The following PDE11A variants were observed in gnomAD, a reference collection of about 807,000 sequenced individuals.
The protein encoded by PDE11A is phosphodiesterase 11A.
PDE11A carries 100 observed loss-of-function variants against 100.5 expected under a neutral mutation model. The ratio of observed to expected loss-of-function variants is 1.00; its 90% CI spans 0.85 to 1.18. The LOEUF (loss-of-function observed/expected upper bound fraction) is 1.18. Among genes scored for constraint, PDE11A ranks in the 50% most tolerant of loss-of-function variants. The probability of loss-of-function intolerance (pLI) is 0.00; values close to 1 mark genes in which losing one functional copy is unlikely to be tolerated. For synonymous variants in PDE11A, 381 were observed against 420.8 expected, an observed-to-expected ratio of 0.91 and a Z score of 1.16; for missense variants, 1,141 against 1,152.6, an observed-to-expected ratio of 0.99 and a Z score of 0.15.
intron 15 of PDE11A, among the ~76,000 whole-genome samples, chr2:177,690,782 G>T (rs900926271): frequency 6.6e-6 from 1 of 152,272 alleles, no homozygotes; most frequent in East Asian, 1.9e-4. Context: ...AAAGCATTGA[G>T]CACCCAAGTG....
intron 9 of PDE11A, among the ~76,000 whole-genome samples, chr2:177,814,806 G>C (rs546444784): frequency 6.6e-6 from 1 of 152,164 alleles, no homozygotes; most frequent in Non-Finnish European, 1.5e-5. Flanking sequence ...GGGTATATGA[G>C]CATTTTCTAG....
At chr2:177,914,019 A>T (rs2105745926) in intron 2 of PDE11A, among the ~76,000 whole-genome samples, 1 of 152,236 alleles carries the variant, frequency 6.6e-6, no homozygotes, top group South Asian at 2.1e-4. Context: ...ATTTACCCCA[A>T]CTCATACAAC....
chr2:177,892,696 C>A (rs576386846), intron 4 of PDE11A, among the ~76,000 whole-genome samples: 2 of 152,214 alleles, frequency 1.3e-5, no homozygotes, highest in African/African-American at 4.8e-5. Flanking sequence ...CACCTGCTCA[C>A]CCAGACTGGC....
At chr2:177,969,323 C>A (rs1329288681) in intron 2 of PDE11A, among the ~76,000 whole-genome samples, 3 of 152,004 alleles carry the variant, frequency 2.0e-5, no homozygotes, top group Admixed American at 2.0e-4. Flanking sequence ...GCATGTGGGG[C>A]TGAAAACCTA....
intron 19 of PDE11A, among the ~76,000 whole-genome samples, chr2:177,643,253 A>C (rs2080171867): frequency 6.6e-6 from 1 of 152,232 alleles, no homozygotes; most frequent in South Asian, 2.1e-4. Context: ...AATGTGGGAA[A>C]GTTTGGAACT....
chr2:177,799,275 A>G (rs2082750959), intron 9 of PDE11A, among the ~76,000 whole-genome samples: 1 of 152,130 alleles, frequency 6.6e-6, no homozygotes. Flanking sequence ...CAAAAAGGGG[A>G]TATTTGGTTA....
chr2:177,854,648 C>T (rs961273068), intron 5 of PDE11A, among the ~76,000 whole-genome samples: 1 of 152,058 alleles, frequency 6.6e-6, no homozygotes, highest in African/African-American at 2.4e-5. Flanking sequence ...ACTTCATACA[C>T]TCCGCATATT....
intron 1 of PDE11A, among the ~76,000 whole-genome samples, chr2:178,034,174 G>A (rs2086581595): frequency 6.6e-6 from 1 of 151,728 alleles, no homozygotes; most frequent in South Asian, 2.1e-4. Context: ...AAGACACATA[G>A]GGTCAAAAAA....
At chr2:177,952,915 T>G (rs912131103) in intron 2 of PDE11A, among the ~76,000 whole-genome samples, 2 of 152,220 alleles carry the variant, frequency 1.3e-5, no homozygotes, top group Admixed American at 6.5e-5. Flanking sequence ...CTGAGACATT[T>G]TAGACAGTCA....
chr2:177,957,352 T>C (rs1178564227), intron 2 of PDE11A, among the ~76,000 whole-genome samples: 1 of 152,210 alleles, frequency 6.6e-6, no homozygotes, highest in Non-Finnish European at 1.5e-5. Context: ...TTCAGTAGTG[T>C]TTCTTTTCAT....
chr2:178,060,321 G>GA lies in PDE11A; in HGVS notation c.912+11204dup, dbSNP rs573068709. Among the ~76,000 whole-genome samples, 576 of 151,654 alleles carry GA rather than the reference G, an allele frequency of 3.8e-3. 3 individuals carry two copies. The highest frequency in any genetic ancestry group is 0.013 in the African/African-American group (517 of 41,348). ...TTAAGTAATGATTAGTACATATATG[G>GA]AAAAAAAATAAAAGAAAACAAAAAG... On this transcript the variant is annotated intron_variant, in intron 1 of 19. Coordinates refer to ENST00000286063, the MANE Select transcript of PDE11A (RefSeq NM_016953.4).
At chr2:177,722,878 T>C (rs1322511880) in intron 12 of PDE11A, among the ~76,000 whole-genome samples, 3 of 152,128 alleles carry the variant, frequency 2.0e-5, no homozygotes, top group African/African-American at 7.2e-5. Context: ...GATAAGGAAA[T>C]ACAATGTAAA....
chr2:178,047,548 G>C (rs954811343), intron 1 of PDE11A, among the ~76,000 whole-genome samples: 1 of 151,426 alleles, frequency 6.6e-6, no homozygotes, highest in African/African-American at 2.4e-5. Flanking sequence ...ACAACATGCT[G>C]TTACACAAAT....
At chr2:177,718,200 A>T (rs538159894) in intron 12 of PDE11A, among the ~76,000 whole-genome samples, 1 of 152,362 alleles carries the variant, frequency 6.6e-6, no homozygotes, top group South Asian at 2.1e-4. Context: ...AATCCTTACA[A>T]GAACTCTCTG....
At chr2:178,000,888 G>C (rs1040452492) in intron 2 of PDE11A, among the ~76,000 whole-genome samples, 1 of 152,006 alleles carries the variant, frequency 6.6e-6, no homozygotes, top group Non-Finnish European at 1.5e-5. Flanking sequence ...TGTATATCAG[G>C]CCCATCTACC....
intron 9 of PDE11A, among the ~76,000 whole-genome samples, chr2:177,785,084 C>T (rs968796552): frequency 1.2e-4 from 19 of 152,160 alleles, no homozygotes; most frequent in Admixed American, 6.5e-5. Context: ...AGCATAGGGG[C>T]TTTGTGTCAG....
At chr2:177,999,885 A>T (rs1192897076) in intron 2 of PDE11A, among the ~76,000 whole-genome samples, 1 of 152,198 alleles carries the variant, frequency 6.6e-6, no homozygotes, top group Non-Finnish European at 1.5e-5. Context: ...TAACTTACAT[A>T]ACCTCATTTT....
chr2:177,643,640 A>G (rs1330451690), intron 19 of PDE11A, among the ~76,000 whole-genome samples: 1 of 152,228 alleles, frequency 6.6e-6, no homozygotes, highest in Non-Finnish European at 1.5e-5. Context: ...CAGCTGCAGA[A>G]ACTTGCATAA....
chr2:177,780,843 T>C (rs918597771), intron 9 of PDE11A, among the ~76,000 whole-genome samples: 1 of 152,248 alleles, frequency 6.6e-6, no homozygotes, highest in African/African-American at 2.4e-5. Context: ...TAAGAGAATG[T>C]TGTGGCTCAT....
Sources: gnomAD v4.1 joint callset for allele counts (sites outside exome capture counted in the v4.1 genomes callset) on GRCh38, gnomAD v4.1.1 for gene constraint, MANE v1.5 for transcripts, NCBI Gene and HGNC (gene_info 2026-07-23, HGNC 2026-07-21) for gene names.